The following STRBP variants were observed in gnomAD, a reference collection of about 807,000 sequenced individuals.
STRBP encodes the protein spermatid perinuclear RNA-binding protein.
STRBP carries 13 observed loss-of-function variants against 80.1 expected under a neutral mutation model. The ratio of observed to expected loss-of-function variants is 0.16; its 90% CI spans 0.11 to 0.26. The LOEUF is 0.26. Ranked by LOEUF, STRBP falls within the 10% of genes least tolerant of loss-of-function variation. The pLI, the probability that STRBP is intolerant of heterozygous loss-of-function variation, is 1.00. For synonymous variants in STRBP, 284 were observed against 291.2 expected, an observed-to-expected ratio of 0.98 and a Z score of 0.25; for missense variants, 485 against 815.2, an observed-to-expected ratio of 0.59 and a Z score of 4.93.
chr9:123,267,876 C>T (rs1390263677), intron 1 of STRBP, among the ~76,000 whole-genome samples: 1 of 148,830 alleles, frequency 6.7e-6, no homozygotes, highest in East Asian at 2.0e-4. Flanking sequence ...ATATAGTGCC[C>T]CCCCCCACCG....
chr9:123,150,419 G>A (rs1328016386), intron 11 of STRBP, among the ~76,000 whole-genome samples: 2 of 152,024 alleles, frequency 1.3e-5, no homozygotes, highest in Admixed American at 6.6e-5. Flanking sequence ...TCTGGGAGGT[G>A]AGCCTGGCAC....
At chr9:123,196,549 A>G (rs2039096542) in intron 2 of STRBP, among the ~76,000 whole-genome samples, 1 of 152,204 alleles carries the variant, frequency 6.6e-6, no homozygotes, top group South Asian at 2.1e-4. Context: ...AAAAAATCTA[A>G]TAACCCAATT....
At chr9:123,135,577 C>A (rs1397654346) in intron 16 of STRBP, among the ~76,000 whole-genome samples, 3 of 152,108 alleles carry the variant, frequency 2.0e-5, no homozygotes, top group Non-Finnish European at 4.4e-5. Context: ...CACAATACAG[C>A]GCCAAATTTT....
intron 2 of STRBP, among the ~76,000 whole-genome samples, chr9:123,194,924 C>G (rs2039043298): frequency 6.6e-6 from 1 of 152,144 alleles, no homozygotes; most frequent in Admixed American, 6.5e-5. Context: ...ACTCAGCCCT[C>G]AGACTTCATC....
chr9:123,245,672 C>A (rs949467283), intron 1 of STRBP, among the ~76,000 whole-genome samples: 3 of 152,204 alleles, frequency 2.0e-5, no homozygotes, highest in African/African-American at 4.8e-5. Context: ...TGAGCCACCA[C>A]GTCCGGCCTC....
intron 2 of STRBP, chr9:123,213,628 G>A (rs2132538557): frequency 6.6e-6 from 1 of 152,328 alleles, no homozygotes; most frequent in South Asian, 2.1e-4. Context: ...GCCAGGACTA[G>A]AATCAGACCA....
chr9:123,207,149 C>A (rs1043078971), intron 2 of STRBP, among the ~76,000 whole-genome samples: 2 of 152,070 alleles, frequency 1.3e-5, no homozygotes, highest in African/African-American at 4.8e-5. Flanking sequence ...GTCAAAGATG[C>A]GGATACCCTA....
chr9:123,187,013 A>G (rs2038725647), intron 2 of STRBP, among the ~76,000 whole-genome samples: 1 of 152,104 alleles, frequency 6.6e-6, no homozygotes, highest in South Asian at 2.1e-4. Context: ...ACTAATTAGT[A>G]GATAACATGT....
At chr9:123,128,515 T>C (rs1588448248) in intron 17 of STRBP, among the ~76,000 whole-genome samples, 1 of 152,208 alleles carries the variant, frequency 6.6e-6, no homozygotes, top group Non-Finnish European at 1.5e-5. Flanking sequence ...CTCACTGCAC[T>C]CACTGACCCC....
At chr9:123,150,345 A>G (rs1173654431) in intron 11 of STRBP, among the ~76,000 whole-genome samples, 4 of 152,204 alleles carry the variant, frequency 2.6e-5, no homozygotes, top group Non-Finnish European at 5.9e-5. Context: ...GAGCAATTAG[A>G]AAAACTGGGC....
intron 14 of STRBP, 89 bp downstream of exon 14, chr9:123,139,440 T>G: frequency 8.9e-7 from 1 of 1,118,154 alleles, no homozygotes; most frequent in Non-Finnish European, 1.2e-6. Context: ...TGCATATGCT[T>G]TTGATTTTAT....
chr9:123,174,956 A>G lies in STRBP; in HGVS notation c.225-1114T>C, dbSNP rs528324230. Among the ~76,000 whole-genome samples, 5 of 152,378 alleles carry G rather than the reference A, an allele frequency of 3.3e-5. No homozygotes were observed. The East Asian group carries it at 7.7e-4, about 24-fold the overall frequency. On this transcript the variant is annotated intron_variant, in intron 4 of 18. Transcript: ENST00000348403. The stretch of plus-strand genomic sequence containing the variant: ...TGGCAAACATATTTACAGGAGTTAC[A>G]GTCTCTCCTGCTCCTGAGGCTTACT...
rs539949346 is a variant in STRBP, at chr9:123,243,281, A to G, written c.-301-6315T>C. ...TCAATAAGACAAAAAAAAAAAAAAA[A>G]AAAGAAAAATAGAGCTTTCATCTAA... On this transcript the variant is annotated intron_variant, in intron 1 of 18. Coordinates refer to ENST00000348403, the MANE Select transcript of STRBP (RefSeq NM_018387.5). Among the ~76,000 whole-genome samples, 271 of 151,368 alleles carry G rather than the reference A, an allele frequency of 1.8e-3. 1 individual carries two copies. Among genetic ancestry groups the G allele is most frequent in the Admixed American group, 4.9e-3 (75 of 15,236 alleles).
chr9:123,170,004 C>T lies in STRBP; in HGVS notation c.433G>A (p.Glu145Lys), dbSNP rs759197872. The part of the protein sequence containing the change: ...EKYQVEQCVN[E>K]ASIIIRNTKE... Reference sequence around the variant, plus strand: ...GTATTCCGAATTATAATAGATGCCTCATTTACACATTGTTCCACTTGATAT... The same window carrying T: ...GTATTCCGAATTATAATAGATGCCTTATTTACACATTGTTCCACTTGATAT... The change falls in exon 6 of 19, where the codon GAG becomes AAG. Residue 145 changes from glutamate (E) to lysine (K), a missense_variant. By Grantham distance (56) the Glu-to-Lys change is moderately conservative. Transcript: ENST00000348403. The T allele has an allele frequency of 5.0e-6, 8 of 1,609,500 alleles. No homozygotes were observed. Among genetic ancestry groups the T allele is most frequent in the Non-Finnish European group, 5.1e-6 (6 of 1,178,490 alleles).
intron 5 of STRBP, among the ~76,000 whole-genome samples, chr9:123,172,927 T>C (rs935149284): frequency 5.9e-5 from 9 of 152,218 alleles, no homozygotes; most frequent in African/African-American, 1.7e-4. Context: ...GGCATTGATA[T>C]GAAGACAAAC....
intron 2 of STRBP, among the ~76,000 whole-genome samples, chr9:123,236,225 A>C (rs1293862881): frequency 3.9e-5 from 6 of 152,206 alleles, no homozygotes; most frequent in Non-Finnish European, 2.9e-5. Context: ...TTATTGGTGA[A>C]ATTATATGAA....
In STRBP at chr9:123,110,180, C is replaced by G. The variant is rs143241560; in HGVS notation, c.*85-427G>C. The G allele has an allele frequency of 6.6e-6, 1 of 152,290 alleles. No individual in the cohort carries two copies. Among genetic ancestry groups the G allele is most frequent in the Non-Finnish European group, 1.5e-5 (1 of 68,140 alleles). The allele number at this position is 152,290 out of a possible 1,614,324, so 9.4% of individuals were successfully genotyped here. A position where few individuals can be genotyped will look rare whatever the true frequency, so the allele number is the denominator to read the frequency against. ...CTAGACTGGCTGCACCTCCCACCTT[C>G]CCAGACAGAGTTCTGCTTGGAGCCG... On this transcript the variant is annotated intron_variant and NMD_transcript_variant, in intron 3 of 3. Coordinates refer to the STRBP transcript ENST00000471564. This position sits in a 1 kb window ranked among gnomAD's most constrained non-coding sequence, Gnocchi z 4.1.
chr9:123,234,586 T>C (rs1345517187), intron 2 of STRBP, among the ~76,000 whole-genome samples: 1 of 152,226 alleles, frequency 6.6e-6, no homozygotes, highest in African/African-American at 2.4e-5. Context: ...CCCATCCTAG[T>C]TGGTAGTCTT....
intron 2 of STRBP, among the ~76,000 whole-genome samples, chr9:123,226,704 C>T (rs2040246838): frequency 6.6e-6 from 1 of 151,416 alleles, no homozygotes; most frequent in African/African-American, 2.4e-5. Flanking sequence ...TAGGTTACAT[C>T]TGTAAACAAA....
Sources: gnomAD v4.1 joint callset for allele counts (sites outside exome capture counted in the v4.1 genomes callset) on GRCh38, gnomAD v4.1.1 for gene constraint, Gnocchi (gnomAD v3.1) non-coding constraint, MANE v1.5 for transcripts, NCBI Gene and HGNC (gene_info 2026-07-23, HGNC 2026-07-21) for gene names.